Variants in PFKM observed in about 807,000 individuals in gnomAD.
PFKM encodes ATP-dependent 6-phosphofructokinase, muscle type.
PFKM carries 58 observed loss-of-function variants against 95.5 expected under a neutral mutation model. That is an observed-to-expected ratio of 0.61 (90% CI 0.49 to 0.76). The LOEUF is 0.76. PFKM is among the 30% of genes least tolerant of loss of function. The probability of loss-of-function intolerance (pLI) is 0.00; values close to 1 mark genes in which losing one functional copy is unlikely to be tolerated. For missense variants in PFKM, 678 were observed against 1,005.4 expected, an observed-to-expected ratio of 0.67 and a Z score of 4.40; for synonymous variants, 336 against 357.2, an observed-to-expected ratio of 0.94 and a Z score of 0.67.
At chr12:48,127,123 A>T (rs1948938390) in intron 2 of PFKM, among the ~76,000 whole-genome samples, 1 of 152,180 alleles carries the variant, frequency 6.6e-6, no homozygotes, top group South Asian at 2.1e-4. Flanking sequence ...CAGTTATCAG[A>T]AGCATTTGGC....
chr12:48,105,952 G>A (rs1946535504), exon 1 of PFKM: 1 of 693,874 alleles, frequency 1.4e-6, no homozygotes, highest in Non-Finnish European at 2.6e-6. Context: ...CGGGCCGGCT[G>A]ACCGGGTCCG....
rs1420166819 is a variant in PFKM at position 48,141,226 on chromosome 12, G to A, written c.1342-85G>A. On this transcript the variant is annotated intron_variant, in intron 14 of 22. Coordinates refer to ENST00000359794, the MANE Select transcript of PFKM (RefSeq NM_000289.6). ...CAACCAAGGGGGATCCAGGGGTAGG[G>A]TTAGAACTCAAGCAGTGGCACCAGT... 9 of 1,277,742 alleles carry A rather than the reference G, an allele frequency of 7.0e-6. No homozygotes were observed. In the African/African-American group the frequency reaches 1.3e-4, roughly 19 times the overall value. 79.2% of individuals were successfully genotyped at this position (1,277,742 alleles called of 1,614,324 possible).
At position 48,124,555 on chromosome 12, in the gene PFKM, C is replaced by A. The variant is rs957164452; in HGVS notation, c.85+1696C>A. ...CTAGGATTTAACTTGGGTCTCAGAGCAGCAGAGCCCTTCCACCTTCTGATC... is the reference window on the plus strand; with the variant it reads ...CTAGGATTTAACTTGGGTCTCAGAGAAGCAGAGCCCTTCCACCTTCTGATC... On this transcript the variant is annotated intron_variant, in intron 2 of 22. Coordinates refer to ENST00000359794, the MANE Select transcript of PFKM (RefSeq NM_000289.6). 1.3e-5 allele frequency among the ~76,000 whole-genome samples: 2 copies of A among 152,124 alleles called. 1 individual carries two copies. Among genetic ancestry groups the A allele is most frequent in the Admixed American group, 1.3e-4 (2 of 15,282 alleles).
Position 48,145,366 on chromosome 12 carries a change from T to A in PFKM, c.2198+51T>A. ...GTTCTTTTCCCTGGTAGTTTCAAGCTCTACTGTCCTCAACCTGTTCACTGT... is the reference window on the plus strand; with the variant it reads ...GTTCTTTTCCCTGGTAGTTTCAAGCACTACTGTCCTCAACCTGTTCACTGT... On this transcript the variant is annotated intron_variant, in intron 22 of 22. Coordinates refer to ENST00000359794, the MANE Select transcript of PFKM (RefSeq NM_000289.6). The surrounding 1 kb of genome is among the most constrained non-coding windows in gnomAD (Gnocchi z 4.3). The A allele has an allele frequency of 1.4e-6, 2 of 1,462,842 alleles. No homozygotes were observed. Among genetic ancestry groups the A allele is most frequent in the Non-Finnish European group, 1.9e-6 (2 of 1,042,606 alleles). 90.6% of individuals were successfully genotyped at this position (1,462,842 alleles called of 1,614,324 possible).
At chr12:48,117,498 A>G (rs1947775291), upstream of PFKM, among the ~76,000 whole-genome samples, 1 of 152,144 alleles carries the variant, frequency 6.6e-6, no homozygotes, top group Non-Finnish European at 1.5e-5. Flanking sequence ...TAGCATTTGG[A>G]TTTTTGAATT....
chr12:48,144,575 C>A (rs529484344), intron 20 of PFKM, among the ~76,000 whole-genome samples: 1 of 152,210 alleles, frequency 6.6e-6, no homozygotes, highest in Non-Finnish European at 1.5e-5. Flanking sequence ...CACTTTCCCA[C>A]CTGCTTCCTC....
intron 7 of PFKM, 59 bp downstream of exon 7, chr12:48,134,335 C>G: frequency 7.0e-7 from 1 of 1,421,290 alleles, no homozygotes; most frequent in East Asian, 2.3e-5. Flanking sequence ...CTTTCCTTTT[C>G]CCCAGAGAGT....
At position 48,145,804 on chromosome 12, in the gene PFKM, T is replaced by C; in HGVS notation, c.*96T>C. 1 of 1,383,692 alleles carries C rather than the reference T, an allele frequency of 7.2e-7. No individual in the cohort carries two copies. 85.7% of individuals were successfully genotyped at this position (1,383,692 alleles called of 1,614,324 possible). ...TCAGTGTTTTAGCTGTTTTTTTCATTAGGTTTCCTTTTATTCTGTACCTTG... is the reference window on the plus strand; with the variant it reads ...TCAGTGTTTTAGCTGTTTTTTTCATCAGGTTTCCTTTTATTCTGTACCTTG... On this transcript the variant is annotated 3_prime_UTR_variant, in exon 23 of 23. Coordinates refer to ENST00000359794, the MANE Select transcript of PFKM (RefSeq NM_000289.6). This position sits in a 1 kb window ranked among gnomAD's most constrained non-coding sequence, Gnocchi z 4.3.
upstream of PFKM, among the ~76,000 whole-genome samples, chr12:48,118,032 T>C (rs1947829903): frequency 6.6e-6 from 1 of 152,218 alleles, no homozygotes; most frequent in African/African-American, 2.4e-5. Flanking sequence ...ACCAAGGTTT[T>C]ATCAGGTGGA....
At chr12:48,113,961 G>C (rs1057467195) in intron 3 of PFKM, among the ~76,000 whole-genome samples, 2 of 152,178 alleles carry the variant, frequency 1.3e-5, no homozygotes, top group Admixed American at 1.3e-4. Context: ...TCTTTACCTC[G>C]GGTAGTTTCT....
At chr12:48,137,333 A>C in intron 10 of PFKM, 1 of 273,664 alleles carries the variant, frequency 3.7e-6, no homozygotes, top group Non-Finnish European at 7.1e-6. Flanking sequence ...AAAATGCTGG[A>C]ATTACAGGCA....
intron 2 of PFKM, among the ~76,000 whole-genome samples, chr12:48,129,647 T>G (rs1237392903): frequency 6.6e-6 from 1 of 150,448 alleles, no homozygotes; most frequent in Non-Finnish European, 1.5e-5. Flanking sequence ...AAAAGGGGGG[T>G]GTGTGTGTGT....
exon 2 of PFKM, chr12:48,107,391 T>A (rs778082217): frequency 6.3e-7 from 1 of 1,598,440 alleles, no homozygotes; most frequent in South Asian, 1.1e-5. Flanking sequence ...AAGACGAGTT[T>A]CATCTGAAAT....
Position 48,122,872 on chromosome 12 carries a change from G to T in PFKM, c.85+13G>T, listed in dbSNP as rs747171290. 7 of 1,612,720 alleles carry T rather than the reference G, an allele frequency of 4.3e-6. No homozygotes were observed. The highest frequency in any genetic ancestry group is 1.3e-5 in the African/African-American group (1 of 74,808). On this transcript the variant is annotated intron_variant, in intron 2 of 22. Transcript: ENST00000359794. ...GGAGATGCCCAAGGTAAGGAGGAGG[G>T]GACAAAAAACATGGCTGGTGGGACT...
Position 48,139,240 on chromosome 12 carries a change from A to C in PFKM, c.1063-45A>C, listed in dbSNP as rs142390398. On this transcript the variant is annotated intron_variant, in intron 11 of 22. Coordinates refer to ENST00000359794, the MANE Select transcript of PFKM (RefSeq NM_000289.6). ...GTGGGATGGAGTTCCAGCTGTGCAG[A>C]ATCCTGACCCTGGAGTTGAAACTGT... 2.7e-4 allele frequency: 395 copies of C among 1,486,914 alleles called. 2 individuals carry two copies. The highest frequency in any genetic ancestry group is 2.6e-3 in the Admixed American group (157 of 59,806). 92.1% of individuals were successfully genotyped at this position (1,486,914 alleles called of 1,614,324 possible). A position where few individuals can be genotyped will look rare whatever the true frequency, so the allele number is the denominator to read the frequency against.
intron 18 of PFKM, 99 bp from the exon 19 acceptor site, chr12:48,143,654 T>C (rs1197528203): frequency 9.2e-6 from 8 of 872,620 alleles, no homozygotes; most frequent in South Asian, 2.7e-5. Context: ...CTCTCTTCCA[T>C]GTGTCTCTTC....
In PFKM at chr12:48,122,797, C is replaced by T; in HGVS notation, c.23C>T (p.Ala8Val). 1 of 1,614,104 alleles carries T rather than the reference C, an allele frequency of 6.2e-7. No individual in the cohort carries two copies. The highest frequency in any genetic ancestry group is 8.5e-7 in the Non-Finnish European group (1 of 1,179,942). MTHEEHHAAKTLGIGKAI... is the reference protein window; with the variant it reads MTHEEHHVAKTLGIGKAI... ...ATCATGACCCATGAAGAGCACCATG[C>T]AGCCAAAACCCTGGGGATTGGCAAA... The change falls in exon 2 of 23, where the codon GCA (alanine) becomes GTA (valine). Residue 8 changes from alanine to valine, a missense_variant. Ala to Val is a moderately conservative substitution (Grantham distance 64). Coordinates refer to ENST00000359794, the MANE Select transcript of PFKM (RefSeq NM_000289.6).
intron 1 of PFKM, chr12:48,106,489 C>G (rs999159617): frequency 5.2e-5 from 16 of 309,542 alleles, no homozygotes; most frequent in African/African-American, 3.3e-4. Flanking sequence ...GACCTGAGAT[C>G]TAAATCGATC....
At position 48,133,932 on chromosome 12, in the gene PFKM, C is replaced by T. The variant is rs11168424; in HGVS notation, c.594-300C>T. Among the ~76,000 whole-genome samples the T allele has an allele frequency of 0.19, 28,147 of 152,012 alleles. 3,213 individuals carry two copies. Among genetic ancestry groups the T allele is most frequent in the African/African-American group, 0.32 (13,236 of 41,412 alleles). On this transcript the variant is annotated intron_variant, in intron 6 of 22. Transcript: ENST00000359794. Reference sequence around the variant, plus strand: ...ACCCCAGGGTAATCCTAAAGGATTCCAGTTAGTCCAATTCTCCCTTCACTT... The same window carrying T: ...ACCCCAGGGTAATCCTAAAGGATTCTAGTTAGTCCAATTCTCCCTTCACTT...
Sources: gnomAD v4.1 joint callset for allele counts (sites outside exome capture counted in the v4.1 genomes callset) on GRCh38, gnomAD v4.1.1 for gene constraint, Gnocchi (gnomAD v3.1) non-coding constraint, MANE v1.5 for transcripts, NCBI Gene and HGNC (gene_info 2026-07-23, HGNC 2026-07-21) for gene names.